The following PDF variants were observed in gnomAD, a reference collection of about 807,000 sequenced individuals.
PDF encodes the protein peptide deformylase-like protein.
PDF carries 31 observed loss-of-function variants against 20.3 expected under a neutral mutation model. The observed-to-expected ratio is 1.52, with a 90% CI of 1.15 to 2.06. The LOEUF is 2.06. Ranked by LOEUF, PDF falls within the 30% of genes most tolerant of loss-of-function variation. PDF has a pLI of 0.00. For missense variants in PDF, 447 were observed against 362.5 expected (o/e 1.23, Z -1.89); for synonymous variants, 254 against 172.0 (o/e 1.48, Z -3.73).
Position 69,330,271 on chromosome 16 carries a change from G to T in PDF, c.300C>A (p.Val100=). The T allele has an allele frequency of 1.4e-6, 2 of 1,439,082 alleles. No homozygotes were observed. Among genetic ancestry groups the T allele is most frequent in the Non-Finnish European group, 1.8e-6 (2 of 1,105,364 alleles). The allele number at this position is 1,439,082 out of a possible 1,614,324, so 89.1% of individuals were successfully genotyped here. A position where few individuals can be genotyped will look rare whatever the true frequency, so the allele number is the denominator to read the frequency against. Residue 100 remains valine (V), a synonymous_variant, in exon 1 of 2, where the codon GTC becomes GTA. Coordinates refer to ENST00000288022, the MANE Select transcript of PDF (RefSeq NM_022341.2). Reference sequence around the variant, plus strand: ...CGCAGCGCCGCCGCCGCATCACCTGGACCAGCCGTTGCGTCAGCCGCTGCA... The same window carrying T: ...CGCAGCGCCGCCGCCGCATCACCTGTACCAGCCGTTGCGTCAGCCGCTGCA... ...PELQRLTQRL[V]QVMRRRRCVG... is the part of the protein sequence containing the mutation.
rs1208356336 is a variant in PDF, at chr16:69,330,326, ACCG to A, written c.242_244del (p.Pro81_Val82delinsLeu). The A allele has an allele frequency of 1.4e-5, 20 of 1,449,820 alleles. No homozygotes were observed. In the East Asian group the frequency reaches 6.1e-4, roughly 44 times the overall value. The allele number at this position is 1,449,820 out of a possible 1,614,324, so 89.8% of individuals were successfully genotyped here. A position where few individuals can be genotyped will look rare whatever the true frequency, so the allele number is the denominator to read the frequency against. ...GGGCCCGCCTAGCTGCGCCCGCTCC[ACCG>A]GGGCCGCCACGCCGCGCAGCACCGG... On this transcript the variant is annotated inframe_deletion, in exon 1 of 2. Transcript: ENST00000288022.
intron 1 of PDF, among the ~76,000 whole-genome samples, 161 bp downstream of exon 1, chr16:69,329,834 CCA>C (rs1273953178): frequency 6.6e-6 from 1 of 152,254 alleles, no homozygotes; most frequent in African/African-American, 2.4e-5. Flanking sequence ...GGGCTCTACC[CCA>C]CAGGAGCTTC....
Position 69,330,401 on chromosome 16 carries a change from A to G in PDF, c.170T>C (p.Leu57Pro). 5.4e-6 allele frequency: 8 copies of G among 1,479,334 alleles called. No homozygotes were observed. The highest frequency in any genetic ancestry group is 7.1e-6 in the Non-Finnish European group (8 of 1,123,012). 91.6% of individuals were successfully genotyped at this position (1,479,334 alleles called of 1,614,324 possible). A position where few individuals can be genotyped will look rare whatever the true frequency, so the allele number is the denominator to read the frequency against. The change falls in exon 1 of 2, where the codon CTG becomes CCG. Residue 57 changes from leucine to proline, a missense_variant. By Grantham distance (98) the Leu-to-Pro change is moderately conservative. Coordinates refer to ENST00000288022, the MANE Select transcript of PDF (RefSeq NM_022341.2). ...CGAGAACGGCGGTTCGGGAGGACCC[A>G]GCACCAGACGCCTCAGGTGGCGCCA... ...SYWRHLRRLV[L>P]GPPEPPFSHV... is the part of the protein sequence containing the mutation.
chr16:69,330,212 C>G lies in PDF; in HGVS notation c.359G>C (p.Arg120Pro). The G allele has an allele frequency of 6.9e-7, 1 of 1,452,986 alleles. No individual in the cohort carries two copies. Among genetic ancestry groups the G allele is most frequent in the Non-Finnish European group, 9.0e-7 (1 of 1,110,744 alleles). 90.0% of individuals were successfully genotyped at this position (1,452,986 alleles called of 1,614,324 possible). A position where few individuals can be genotyped will look rare whatever the true frequency, so the allele number is the denominator to read the frequency against. ...GGGGAGCTCCAGCGCCAGCACCTGC[C>G]GCGGCACCCCCAGCTGCGGCGCGCT... ...GLSAPQLGVP[R>P]QVLALELPEA... is the part of the protein sequence containing the mutation. The change falls in exon 1 of 2, where the codon CGG (arginine) becomes CCG (proline). Residue 120 changes from arginine to proline, a missense_variant. Physicochemically the swap from Arg to Pro is moderately radical, Grantham distance 103. Coordinates refer to ENST00000288022, the MANE Select transcript of PDF (RefSeq NM_022341.2).
chr16:69,327,766 C>A lies in PDF; in HGVS notation c.*1256G>T, dbSNP rs190388086. 6.6e-6 allele frequency: 1 copy of A among 151,812 alleles called. No homozygotes were observed. The highest frequency in any genetic ancestry group is 1.5e-5 in the Non-Finnish European group (1 of 67,998). 9.4% of individuals were successfully genotyped at this position (151,812 alleles called of 1,614,324 possible). On this transcript the variant is annotated 3_prime_UTR_variant, in exon 2 of 2. Transcript: ENST00000288022. Reference sequence around the variant, plus strand: ...GTGTGGCTCACAACTGATCCCAGCACTTTGGGAGGCCGAGGCAGGAGGATT... The same window carrying A: ...GTGTGGCTCACAACTGATCCCAGCAATTTGGGAGGCCGAGGCAGGAGGATT...
chr16:69,330,071 G>A lies in PDF; in HGVS notation c.500C>T (p.Thr167Ile), dbSNP rs933042730. The A allele has an allele frequency of 5.1e-6, 8 of 1,564,100 alleles. No individual in the cohort carries two copies. The highest frequency in any genetic ancestry group is 8.6e-7 in the Non-Finnish European group (1 of 1,156,960). The change falls in exon 1 of 2, where the codon ACC (threonine) becomes ATC (isoleucine). Residue 167 changes from threonine to isoleucine, a missense_variant. Transcript: ENST00000288022. The stretch of plus-strand genomic sequence containing the variant: ...GACGCTCTCGCAGCCCTCGGGAAAG[G>A]TGACCAGGCGGCTGTCAAGCACTCG... ...SLRVLDSRLV[T>I]FPEGCESVAG... is the part of the protein sequence containing the mutation.
At chr16:69,329,860 G>A (rs1965730550) in intron 1 of PDF, 137 bp downstream of exon 1, 2 of 1,119,084 alleles carry the variant, frequency 1.8e-6, no homozygotes, top group African/African-American at 1.7e-5. Context: ...CCGTCCTGAG[G>A]CCTCTCCGCT....
rs1240331674 is a variant in PDF at position 69,327,092 on chromosome 16, A to G, written c.*1930T>C. ...CTAAAGACCCATGTTTTTAGCATCT[A>G]TGAGCTTTCTACAAATCTCCCCATT... On this transcript the variant is annotated 3_prime_UTR_variant, in exon 2 of 2. Transcript: ENST00000288022. The G allele has an allele frequency of 2.0e-5, 3 of 149,192 alleles. No homozygotes were observed. The highest frequency in any genetic ancestry group is 6.7e-5 in the Admixed American group (1 of 14,948). The allele number at this position is 149,192 out of a possible 1,614,324, so 9.2% of individuals were successfully genotyped here.
At position 69,330,078 on chromosome 16, in the gene PDF, G is replaced by T. The variant is rs1033335957; in HGVS notation, c.493C>A (p.Leu165Met). The T allele has an allele frequency of 1.3e-6, 2 of 1,569,612 alleles. No individual in the cohort carries two copies. Among genetic ancestry groups the T allele is most frequent in the African/African-American group, 2.8e-5 (2 of 72,450 alleles). The change falls in exon 1 of 2, where the codon CTG becomes ATG. Residue 165 changes from leucine to methionine, a missense_variant. Physicochemically the swap from Leu to Met is conservative, Grantham distance 15 (BLOSUM62 2). Transcript: ENST00000288022. ...NPSLRVLDSRLVTFPEGCESV... is the reference protein window; with the variant it reads ...NPSLRVLDSRMVTFPEGCESV... ...TCGCAGCCCTCGGGAAAGGTGACCA[G>T]GCGGCTGTCAAGCACTCGCAGGCTG...
chr16:69,330,464 G>C lies in PDF; in HGVS notation c.107C>G (p.Pro36Arg). 1 of 1,470,914 alleles carries C rather than the reference G, an allele frequency of 6.8e-7. No homozygotes were observed. The highest frequency in any genetic ancestry group is 8.9e-7 in the Non-Finnish European group (1 of 1,119,590). The allele number at this position is 1,470,914 out of a possible 1,614,324, so 91.1% of individuals were successfully genotyped here. Reference sequence around the variant, plus strand: ...CAGCGCCGGGCCCTCGACGCCGTCCGGGGCGGCCGTGGAGCTGCAAGCCCG... The same window carrying C: ...CAGCGCCGGGCCCTCGACGCCGTCCCGGGCGGCCGTGGAGCTGCAAGCCCG... ...GVRACSSTAA[P>R]DGVEGPALRR... The change falls in exon 1 of 2, where the codon CCG becomes CGG. Residue 36 changes from proline (P) to arginine (R), a missense_variant. Transcript: ENST00000288022.
rs1349192976 is a variant in PDF, at chr16:69,330,229, C to A, written c.342G>T (p.Pro114=). Residue 114 remains proline, a synonymous_variant, in exon 1 of 2, where the codon CCG becomes CCT. Coordinates refer to ENST00000288022, the MANE Select transcript of PDF (RefSeq NM_022341.2). ...RRRRCVGLSA[P]QLGVPRQVLA... is the part of the protein sequence containing the mutation. ...GCACCTGCCGCGGCACCCCCAGCTG[C>A]GGCGCGCTTAGGCCCACGCAGCGCC... 6.9e-7 allele frequency: 1 copy of A among 1,451,302 alleles called. No homozygotes were observed. The highest frequency in any genetic ancestry group is 2.9e-5 in the East Asian group (1 of 33,918). The allele number at this position is 1,451,302 out of a possible 1,614,324, so 89.9% of individuals were successfully genotyped here.
chr16:69,329,608 G>C (rs1965719480), intron 1 of PDF, among the ~76,000 whole-genome samples: 1 of 152,236 alleles, frequency 6.6e-6, no homozygotes, highest in South Asian at 2.1e-4. Flanking sequence ...CATTCCGCGA[G>C]GCATCCTGTG....
Position 69,330,271 on chromosome 16 carries a change from G to A in PDF, c.300C>T (p.Val100=), listed in dbSNP as rs2011689276. ...PELQRLTQRL[V]QVMRRRRCVG... is the part of the protein sequence containing the mutation. ...CGCAGCGCCGCCGCCGCATCACCTG[G>A]ACCAGCCGTTGCGTCAGCCGCTGCA... The change falls in exon 1 of 2, where the codon GTC becomes GTT. Residue 100 remains valine, a synonymous_variant. Transcript: ENST00000288022. 2.1e-6 allele frequency: 3 copies of A among 1,438,974 alleles called. No homozygotes were observed. Among genetic ancestry groups the A allele is most frequent in the Non-Finnish European group, 2.7e-6 (3 of 1,105,374 alleles). The allele number at this position is 1,438,974 out of a possible 1,614,324, so 89.1% of individuals were successfully genotyped here.
Position 69,329,032 on chromosome 16 carries a change from AC to A in PDF, c.721del (p.Val241Ter). On this transcript the variant is annotated frameshift_variant, in exon 2 of 2. Coordinates refer to ENST00000288022, the MANE Select transcript of PDF (RefSeq NM_022341.2). LOFTEE classifies it high-confidence loss of function. ...RTFTNVYWMK[V>X]ND ...CCCAGTAGCAAAGCTTTAGTCATTCACCTTCATCCAATAGACGTTTGTGAAC... is the reference window on the plus strand; with the variant it reads ...CCCAGTAGCAAAGCTTTAGTCATTCACTTCATCCAATAGACGTTTGTGAAC... 1 of 1,608,510 alleles carries A rather than the reference AC, an allele frequency of 6.2e-7. No individual in the cohort carries two copies. Among genetic ancestry groups the A allele is most frequent in the African/African-American group, 1.3e-5 (1 of 74,766 alleles).
At position 69,328,760 on chromosome 16, in the gene PDF, T is replaced by G. The variant is rs1965682094; in HGVS notation, c.*262A>C. On this transcript the variant is annotated 3_prime_UTR_variant, in exon 2 of 2. Transcript: ENST00000288022. ...TGCAGACGAATGCAATTACCCCACC[T>G]TCCTCCATACAGAATTGTTAGGAAA... 1 of 454,704 alleles carries G rather than the reference T, an allele frequency of 2.2e-6. No individual in the cohort carries two copies. The highest frequency in any genetic ancestry group is 2.1e-5 in the African/African-American group (1 of 48,342). The allele number at this position is 454,704 out of a possible 1,614,324, so 28.2% of individuals were successfully genotyped here.
rs916361525 is a variant in PDF, at chr16:69,330,546, T to A, written c.25A>T (p.Ser9Cys). The change falls in exon 1 of 2, where the codon AGT becomes TGT. Residue 9 changes from serine (S) to cysteine (C), a missense_variant. By Grantham distance (112) the Ser-to-Cys change is moderately radical. Coordinates refer to ENST00000288022, the MANE Select transcript of PDF (RefSeq NM_022341.2). ...ACGGCCGCCCACAGTGGCCAAAGAC[T>A]CAGCGCGCCCCACAGCCGGGCCATG... MARLWGAL[S>C]LWPLWAAVPW... is the part of the protein sequence containing the mutation. 1.4e-6 allele frequency: 2 copies of A among 1,475,248 alleles called. No individual in the cohort carries two copies. Among genetic ancestry groups the A allele is most frequent in the East Asian group, 2.9e-5 (1 of 34,768 alleles). 91.4% of individuals were successfully genotyped at this position (1,475,248 alleles called of 1,614,324 possible). A position where few individuals can be genotyped will look rare whatever the true frequency, so the allele number is the denominator to read the frequency against.
chr16:69,330,386 G>C lies in PDF; in HGVS notation c.185C>G (p.Pro62Arg). The change falls in exon 1 of 2, where the codon CCG (proline) becomes CGG (arginine). Residue 62 changes from proline (P) to arginine (R), a missense_variant. Coordinates refer to ENST00000288022, the MANE Select transcript of PDF (RefSeq NM_022341.2). ...LRRLVLGPPEPPFSHVCQVGD... is the reference protein window; with the variant it reads ...LRRLVLGPPERPFSHVCQVGD... ...GACTTGGCACACGTGCGAGAACGGC[G>C]GTTCGGGAGGACCCAGCACCAGACG... 8 of 1,479,198 alleles carry C rather than the reference G, an allele frequency of 5.4e-6. No individual in the cohort carries two copies. The highest frequency in any genetic ancestry group is 7.1e-6 in the Non-Finnish European group (8 of 1,122,882). 91.6% of individuals were successfully genotyped at this position (1,479,198 alleles called of 1,614,324 possible). A position where few individuals can be genotyped will look rare whatever the true frequency, so the allele number is the denominator to read the frequency against.
chr16:69,327,991 CTGGA>C lies in PDF; in HGVS notation c.*1027_*1030del, dbSNP rs200962335. ...TTTGAGTCTCGCTCTGTCGCCCAGGCTGGATGGAGTGCAGTGGCGTGATCTCAGC... is the reference window on the plus strand; with the variant it reads ...TTTGAGTCTCGCTCTGTCGCCCAGGCTGGAGTGCAGTGGCGTGATCTCAGC... On this transcript the variant is annotated 3_prime_UTR_variant, in exon 2 of 2. Transcript: ENST00000288022. The C allele has an allele frequency of 0.052, 7,865 of 152,184 alleles. 283 individuals carry two copies. Among genetic ancestry groups the C allele is most frequent in the Middle Eastern group, 0.1 (30 of 294 alleles). 9.4% of individuals were successfully genotyped at this position (152,184 alleles called of 1,614,324 possible).
Position 69,329,997 on chromosome 16 carries a change from C to A in PDF, c.574G>T (p.Gly192Trp). 6.5e-7 allele frequency: 1 copy of A among 1,534,246 alleles called. No homozygotes were observed. ...VPRFQAVQIS[G>W]LDPNGEQVVW... Reference sequence around the variant, plus strand: ...CAGCCCCGGTCCCCGCCGCCCGCACCTGAGATCTGCACCGCCTGGAAGCGG... The same window carrying A: ...CAGCCCCGGTCCCCGCCGCCCGCACATGAGATCTGCACCGCCTGGAAGCGG... The change falls in exon 1 of 2, where the codon GGG becomes TGG. Residue 192 changes from glycine (G) to tryptophan (W), a missense_variant and splice_region_variant. Gly to Trp is a radical substitution (Grantham distance 184, BLOSUM62 -2). Transcript: ENST00000288022.
Sources: gnomAD v4.1 joint callset for allele counts (sites outside exome capture counted in the v4.1 genomes callset) on GRCh38, gnomAD v4.1.1 for gene constraint, MANE v1.5 for transcripts, NCBI Gene and HGNC (gene_info 2026-07-23, HGNC 2026-07-21) for gene names.